SYN2: variants seen among roughly 807,000 people sequenced by gnomAD.
The protein encoded by SYN2 is synapsin II.
Under a neutral mutation model 50.9 loss-of-function variants are expected in SYN2, and 19 were observed. That is an observed-to-expected ratio of 0.37 (90% CI 0.26 to 0.55). The LOEUF (loss-of-function observed/expected upper bound fraction) is 0.55, where lower values mean the gene tolerates loss of function less well. SYN2 is among the 20% of genes least tolerant of loss of function. The probability of loss-of-function intolerance (pLI) is 0.81; values close to 1 mark genes in which losing one functional copy is unlikely to be tolerated. For missense variants in SYN2, 587 were observed against 576.4 expected (o/e 1.02, Z -0.19); for synonymous variants, 255 against 224.9 (o/e 1.13, Z -1.20).
At chr3:12,068,225 A>AAG (rs1695263444) in intron 1 of SYN2, among the ~76,000 whole-genome samples, 1 of 7,336 alleles carries the variant, frequency 1.4e-4, no homozygotes, top group South Asian at 0.014. Flanking sequence ...AAATATCTTT[A>AAG]TACTACCTTG....
chr3:12,166,006 A>C, intron 7 of SYN2, among the ~76,000 whole-genome samples: 1 of 152,152 alleles, frequency 6.6e-6, no homozygotes, highest in East Asian at 1.9e-4. Flanking sequence ...CAGGGGCAAG[A>C]ATTTCAGCCT....
At chr3:12,050,219 T>TCTTA (rs1694825721) in intron 1 of SYN2, among the ~76,000 whole-genome samples, 1 of 151,982 alleles carries the variant, frequency 6.6e-6, no homozygotes. Flanking sequence ...TCTTAGACTG[T>TCTTA]TAATGGTTAT....
In SYN2 at chr3:12,187,279, TTAAC is replaced by T. The variant is rs780984081; in HGVS notation, c.1370-85_1370-82del. 2,389 of 1,439,384 alleles carry T rather than the reference TTAAC, an allele frequency of 1.7e-3. 3 individuals carry two copies. The highest frequency in any genetic ancestry group is 2.1e-3 in the Non-Finnish European group (2,235 of 1,088,438). 89.2% of individuals were successfully genotyped at this position (1,439,384 alleles called of 1,614,324 possible). A position where few individuals can be genotyped will look rare whatever the true frequency, so the allele number is the denominator to read the frequency against. On this transcript the variant is annotated intron_variant, in intron 11 of 12. Coordinates refer to ENST00000621198, the MANE Select transcript of SYN2 (RefSeq NM_133625.6). ...GGAATAGAGCTTATCCTTTGGGTAA[TTAAC>T]TAACCACACCCTTTGAGGCATAAAT...
At chr3:12,143,417 T>C (rs1335582230) in intron 3 of SYN2, among the ~76,000 whole-genome samples, 2 of 152,158 alleles carry the variant, frequency 1.3e-5, no homozygotes, top group Non-Finnish European at 1.5e-5. Context: ...CAATAGGTAA[T>C]TTTTCAGCCC....
At chr3:12,185,606 C>G (rs1233046373) in intron 11 of SYN2, 32 of 985,742 alleles carry the variant, frequency 3.2e-5, no homozygotes, top group Non-Finnish European at 3.6e-5. Context: ...CTGACGTTGT[C>G]CCCTTTTTTT....
chr3:12,187,638 C>T, intron 12 of SYN2, 26 bp downstream of exon 12: 1 of 1,518,156 alleles, frequency 6.6e-7, no homozygotes, highest in Admixed American at 2.0e-5. Context: ...GCAGCTCCTC[C>T]CTCCCCTCCT....
intron 10 of SYN2, 112 bp from the exon 11 acceptor site, chr3:12,183,200 C>T (rs1214008122): frequency 2.1e-6 from 3 of 1,407,692 alleles, no homozygotes; most frequent in Non-Finnish European, 2.8e-6. Context: ...CCACTGGATC[C>T]CACCAGGTCC....
intron 1 of SYN2, among the ~76,000 whole-genome samples, chr3:12,014,214 C>T (rs1251233026): frequency 6.6e-6 from 1 of 152,078 alleles, no homozygotes; most frequent in African/African-American, 2.4e-5. Flanking sequence ...CCTTAGCATC[C>T]AGCATAGGGC....
Position 12,147,193 on chromosome 3 carries a change from G to GTGTGTGTGTGTA in SYN2, c.684+1382_684+1393dup, listed in dbSNP as rs71628739. Among the ~76,000 whole-genome samples, 6 of 152,044 alleles carry GTGTGTGTGTGTA rather than the reference G, an allele frequency of 3.9e-5. No individual in the cohort carries two copies. In the East Asian group the frequency reaches 5.8e-4, roughly 15 times the overall value. On this transcript the variant is annotated intron_variant, in intron 4 of 12. Coordinates refer to ENST00000621198, the MANE Select transcript of SYN2 (RefSeq NM_133625.6). ...CACTCAGAGAGCTGAAGAGGGGTGT[G>GTGTGTGTGTGTA]TGTGTGTGTGTATGTGTGTGTGTAT...
chr3:12,182,984 A>G (rs973242245), intron 10 of SYN2, among the ~76,000 whole-genome samples: 2 of 152,240 alleles, frequency 1.3e-5, no homozygotes, highest in Non-Finnish European at 2.9e-5. Context: ...GAAAACCAGA[A>G]AAGAAACCAG....
chr3:12,042,410 A>G (rs995645101), intron 1 of SYN2, among the ~76,000 whole-genome samples: 3 of 152,208 alleles, frequency 2.0e-5, no homozygotes, highest in African/African-American at 7.2e-5. Context: ...TCTGTTAAAA[A>G]TGCTGACTTG....
chr3:12,066,214 T>C (rs968819619), intron 1 of SYN2, among the ~76,000 whole-genome samples: 1 of 152,196 alleles, frequency 6.6e-6, no homozygotes, highest in African/African-American at 2.4e-5. Context: ...TATTGGCTTG[T>C]TAATTATAAC....
intron 1 of SYN2, among the ~76,000 whole-genome samples, chr3:12,069,438 G>T (rs1165574626): frequency 6.6e-6 from 1 of 151,900 alleles, no homozygotes; most frequent in African/African-American, 2.4e-5. Flanking sequence ...TAGTAGAGAC[G>T]GGGTTTCACC....
At chr3:12,102,361 T>G (rs1170241189) in intron 1 of SYN2, among the ~76,000 whole-genome samples, 2 of 152,154 alleles carry the variant, frequency 1.3e-5, no homozygotes, top group Non-Finnish European at 1.5e-5. Context: ...TGCAGGGATC[T>G]GGAAACTCCA....
intron 1 of SYN2, among the ~76,000 whole-genome samples, chr3:12,115,939 G>A (rs1263551493): frequency 2.6e-5 from 4 of 152,178 alleles, no homozygotes; most frequent in South Asian, 4.2e-4. Flanking sequence ...AAAATTAATT[G>A]CATTGATATT....
At chr3:12,078,986 G>A (rs747067105) in intron 1 of SYN2, among the ~76,000 whole-genome samples, 21 of 152,060 alleles carry the variant, frequency 1.4e-4, no homozygotes, top group Non-Finnish European at 2.8e-4. Flanking sequence ...TTCTTGAGCC[G>A]TGGTTTGTAG....
intron 1 of SYN2, 25 bp downstream of exon 1, chr3:12,004,953 CG>C (rs1474662965): frequency 6.1e-6 from 3 of 488,274 alleles, no homozygotes; most frequent in African/African-American, 4.1e-5. Flanking sequence ...CCGCCGCCCT[CG>C]GGGGTCGGGG....
rs375590261 is a variant in SYN2, at chr3:12,131,000, G to A, written c.378-9651G>A. On this transcript the variant is annotated intron_variant, in intron 1 of 12. Transcript: ENST00000621198. Reference sequence around the variant, plus strand: ...TGATTTCACAGTGGTCCAAGGCACAGGGGCTGGGAAACTGTCTGAATTATA... The same window carrying A: ...TGATTTCACAGTGGTCCAAGGCACAAGGGCTGGGAAACTGTCTGAATTATA... Among the ~76,000 whole-genome samples, 3 of 152,342 alleles carry A rather than the reference G, an allele frequency of 2.0e-5. No homozygotes were observed. In the East Asian group the frequency reaches 5.8e-4, roughly 29 times the overall value.
At chr3:12,005,051 C>T in intron 1 of SYN2, 123 bp downstream of exon 1, 1 of 384,560 alleles carries the variant, frequency 2.6e-6, no homozygotes, top group East Asian at 3.8e-5. Context: ...TCCCCGAGGT[C>T]CCGCTGGGAG....
Sources: gnomAD v4.1 joint callset for allele counts (sites outside exome capture counted in the v4.1 genomes callset) on GRCh38, gnomAD v4.1.1 for gene constraint, MANE v1.5 for transcripts, NCBI Gene and HGNC (gene_info 2026-07-23, HGNC 2026-07-21) for gene names.